The following SCFD2 variants were observed in gnomAD, a reference collection of about 807,000 sequenced individuals.
SCFD2 encodes the protein sec1 family domain-containing protein 2.
SCFD2 carries 54 observed loss-of-function variants against 58.9 expected under a neutral mutation model. The observed-to-expected ratio is 0.92, with a 90% CI of 0.74 to 1.15. The LOEUF (loss-of-function observed/expected upper bound fraction) is 1.15, where lower values mean the gene tolerates loss of function less well. Ranked by LOEUF, SCFD2 falls within the 50% of genes most tolerant of loss-of-function variation. SCFD2 has a pLI of 0.00. For synonymous variants in SCFD2, 321 were observed against 335.9 expected (o/e 0.96, Z 0.49); for missense variants, 805 against 836.6 (o/e 0.96, Z 0.47).
At chr4:52,890,068 C>T (rs1305257768) in intron 7 of SCFD2, among the ~76,000 whole-genome samples, 1 of 152,204 alleles carries the variant, frequency 6.6e-6, no homozygotes, top group Non-Finnish European at 1.5e-5. Context: ...TCTCCCTTTG[C>T]TTTATGCATA....
At chr4:53,334,922 C>A (rs550381652) in intron 2 of SCFD2, among the ~76,000 whole-genome samples, 214 of 152,134 alleles carry the variant, frequency 1.4e-3, no homozygotes, top group African/African-American at 5.0e-3. Context: ...ACAGGCAGGG[C>A]GCGATGGCTC....
rs200618162 is a variant in SCFD2, at chr4:53,313,659, T to C, written c.1112A>G (p.Asn371Ser). 1 of 1,613,284 alleles carries C rather than the reference T, an allele frequency of 6.2e-7. No individual in the cohort carries two copies. The highest frequency in any genetic ancestry group is 8.5e-7 in the Non-Finnish European group (1 of 1,179,816). ...ACCCATACTCATCTTGATTGGCAGG[T>C]TTTCTCTGCTTGCCGCTTCCACTAG... is the stretch of plus-strand genomic sequence containing the variant. The part of the protein sequence containing the change: ...RHLVEAASRE[N>S]LPIKMSMGRV... The change falls in exon 3 of 9, where the codon AAC becomes AGC. Residue 371 changes from asparagine (N) to serine (S), a missense_variant. By Grantham distance (46) the Asn-to-Ser change is conservative. Coordinates refer to ENST00000401642, the MANE Select transcript of SCFD2 (RefSeq NM_152540.4).
chr4:53,246,935 G>A (rs1266639427), intron 4 of SCFD2, among the ~76,000 whole-genome samples: 4 of 144,670 alleles, frequency 2.8e-5, no homozygotes, highest in Admixed American at 1.4e-4. Flanking sequence ...AAAAATTTTT[G>A]CAAACTATGG....
At chr4:52,920,002 T>C (rs191482299) in intron 6 of SCFD2, among the ~76,000 whole-genome samples, 1 of 152,356 alleles carries the variant, frequency 6.6e-6, no homozygotes, top group African/African-American at 2.4e-5. Flanking sequence ...CAGAAACATT[T>C]GTTCTTCCCT....
intron 7 of SCFD2, among the ~76,000 whole-genome samples, chr4:52,895,243 C>T (rs190631021): frequency 6.6e-6 from 1 of 151,868 alleles, no homozygotes; most frequent in African/African-American, 2.4e-5. Context: ...CATAAGTATA[C>T]GTGTGCCATG....
At chr4:53,253,693 AAC>A (rs890863441) in intron 4 of SCFD2, among the ~76,000 whole-genome samples, 3 of 143,660 alleles carry the variant, frequency 2.1e-5, no homozygotes, top group African/African-American at 7.8e-5. Context: ...GAACAATGAG[AAC>A]ACATGGACAC....
intron 4 of SCFD2, among the ~76,000 whole-genome samples, chr4:53,205,945 G>A (rs1351199748): frequency 4.0e-5 from 6 of 151,842 alleles, no homozygotes; most frequent in African/African-American, 1.5e-4. Context: ...CAACTCAAAG[G>A]AAAAAGTAAA....
intron 4 of SCFD2, among the ~76,000 whole-genome samples, chr4:53,262,410 T>G (rs1451653684): frequency 6.6e-6 from 1 of 152,212 alleles, no homozygotes; most frequent in Non-Finnish European, 1.5e-5. Flanking sequence ...GTTTCAAGAT[T>G]TAGAACTCCT....
intron 7 of SCFD2, among the ~76,000 whole-genome samples, chr4:52,896,066 T>A (rs1719001141): frequency 6.6e-6 from 1 of 152,152 alleles, no homozygotes; most frequent in African/African-American, 2.4e-5. Flanking sequence ...ATATTAGCCC[T>A]TTGTCAGATG....
intron 2 of SCFD2, among the ~76,000 whole-genome samples, chr4:53,318,630 C>T (rs1340725981): frequency 6.6e-6 from 1 of 152,024 alleles, no homozygotes; most frequent in Non-Finnish European, 1.5e-5. Context: ...CCTTTGTGCT[C>T]TACTATAAAT....
intron 4 of SCFD2, among the ~76,000 whole-genome samples, chr4:53,240,719 A>C (rs1729865798): frequency 6.6e-6 from 1 of 152,262 alleles, no homozygotes; most frequent in Non-Finnish European, 1.5e-5. Context: ...TGAACAAGTT[A>C]AGAAATAAAG....
chr4:53,210,006 A>G (rs902731874), intron 4 of SCFD2, among the ~76,000 whole-genome samples: 6 of 152,136 alleles, frequency 3.9e-5, no homozygotes, highest in African/African-American at 1.4e-4. Context: ...CAATTAACCA[A>G]TCATCTTCTG....
chr4:53,028,756 G>C (rs1722543669), intron 5 of SCFD2, among the ~76,000 whole-genome samples: 2 of 152,116 alleles, frequency 1.3e-5, no homozygotes, highest in Admixed American at 1.3e-4. Flanking sequence ...AAGTATAAAG[G>C]GGGAGTGACT....
intron 2 of SCFD2, among the ~76,000 whole-genome samples, chr4:53,335,289 T>C (rs1264211608): frequency 1.4e-5 from 2 of 147,788 alleles, no homozygotes; most frequent in Non-Finnish European, 3.0e-5. Flanking sequence ...ATAACCTGAA[T>C]CTAATTGTGA....
chr4:53,246,720 T>G (rs539143031), intron 4 of SCFD2, among the ~76,000 whole-genome samples: 2 of 152,100 alleles, frequency 1.3e-5, no homozygotes, highest in Non-Finnish European at 2.9e-5. Context: ...ATTAATTGAA[T>G]GTAAAACCTA....
chr4:53,305,299 AT>A (rs966851271), intron 3 of SCFD2, among the ~76,000 whole-genome samples: 1 of 151,906 alleles, frequency 6.6e-6, no homozygotes, highest in Non-Finnish European at 1.5e-5. Context: ...TAGGTCTTTT[AT>A]CCATTTTGAG....
At chr4:53,318,353 G>A (rs1732925044) in intron 2 of SCFD2, among the ~76,000 whole-genome samples, 1 of 152,126 alleles carries the variant, frequency 6.6e-6, no homozygotes, top group Non-Finnish European at 1.5e-5. Flanking sequence ...TTTACAAGGA[G>A]TTCAGATTCT....
At chr4:53,044,818 G>C (rs1161469410) in intron 5 of SCFD2, among the ~76,000 whole-genome samples, 1 of 146,236 alleles carries the variant, frequency 6.8e-6, no homozygotes, top group African/African-American at 2.7e-5. Flanking sequence ...TAGGAGGCAA[G>C]AGTATTTCTG....
At chr4:52,986,650 C>A (rs1721502051) in intron 5 of SCFD2, among the ~76,000 whole-genome samples, 1 of 151,740 alleles carries the variant, frequency 6.6e-6, no homozygotes, top group Non-Finnish European at 1.5e-5. Context: ...AGGCGCCCAC[C>A]ACCACGCTCG....
Sources: gnomAD v4.1 joint callset for allele counts (sites outside exome capture counted in the v4.1 genomes callset) on GRCh38, gnomAD v4.1.1 for gene constraint, MANE v1.5 for transcripts, NCBI Gene and HGNC (gene_info 2026-07-23, HGNC 2026-07-21) for gene names.